The following TCERG1L variants were observed in gnomAD, a reference collection of about 807,000 sequenced individuals.
TCERG1L encodes the protein transcription elongation regulator 1-like protein.
Under a neutral mutation model 56.3 loss-of-function variants are expected in TCERG1L, and 37 were observed. That is an observed-to-expected ratio of 0.66 (90% CI 0.51 to 0.87). The LOEUF (loss-of-function observed/expected upper bound fraction) is 0.87, where lower values mean the gene tolerates loss of function less well. Among genes scored for constraint, TCERG1L ranks in the 40% least tolerant of loss-of-function variants. The probability of loss-of-function intolerance (pLI) is 0.00; values close to 1 mark genes in which losing one functional copy is unlikely to be tolerated. For synonymous variants in TCERG1L, 324 were observed against 326.3 expected (o/e 0.99, Z 0.08); for missense variants, 799 against 774.2 (o/e 1.03, Z -0.38).
At chr10:131,196,889 G>C (rs1259366656) in intron 4 of TCERG1L, among the ~76,000 whole-genome samples, 1 of 152,190 alleles carries the variant, frequency 6.6e-6, no homozygotes, top group African/African-American at 2.4e-5. Flanking sequence ...AAGAGAAGAA[G>C]GAGAATCAGA....
chr10:131,164,488 A>G (rs1291146139), intron 5 of TCERG1L, among the ~76,000 whole-genome samples: 1 of 152,228 alleles, frequency 6.6e-6, no homozygotes, highest in Non-Finnish European at 1.5e-5. Flanking sequence ...TATCACCAGA[A>G]TTTTGGAAGG....
chr10:131,254,454 A>G (rs541509151), intron 4 of TCERG1L, among the ~76,000 whole-genome samples: 1 of 152,188 alleles, frequency 6.6e-6, no homozygotes, highest in African/African-American at 2.4e-5. Flanking sequence ...GGGTAACTGG[A>G]ACTACAGGTG....
chr10:131,160,541 C>G (rs1388297054), intron 6 of TCERG1L, among the ~76,000 whole-genome samples: 2 of 152,188 alleles, frequency 1.3e-5, no homozygotes, highest in Non-Finnish European at 2.9e-5. Context: ...CCTGGCTTAG[C>G]TGCTCCACTC....
rs565261722 is a variant in TCERG1L, at chr10:131,166,826, T to G, written c.916A>C (p.Lys306Gln). 2.9e-4 allele frequency: 475 copies of G among 1,613,790 alleles called. No homozygotes were observed. Among genetic ancestry groups the G allele is most frequent in the Non-Finnish European group, 3.9e-4 (458 of 1,179,908 alleles). The change falls in exon 5 of 12, where the codon AAG becomes CAG. Residue 306 changes from lysine to glutamine, a missense_variant. Coordinates refer to ENST00000368642, the MANE Select transcript of TCERG1L (RefSeq NM_174937.4). ...RPPALMLRAQKSRDGDKEDKE... is the reference protein window; with the variant it reads ...RPPALMLRAQQSRDGDKEDKE... ...TCTTCTTTGTCTCCATCCCGGCTCT[T>G]CTGGGCCCGCAGCATCAGGGCAGGA...
At chr10:131,107,671 G>A (rs1845366704) in intron 9 of TCERG1L, among the ~76,000 whole-genome samples, 1 of 152,122 alleles carries the variant, frequency 6.6e-6, no homozygotes, top group Non-Finnish European at 1.5e-5. Flanking sequence ...CCGAGCCTGC[G>A]TGAAACACTT....
intron 4 of TCERG1L, among the ~76,000 whole-genome samples, chr10:131,238,229 G>C (rs12569729): frequency 6.6e-6 from 1 of 152,092 alleles, no homozygotes; most frequent in Admixed American, 6.6e-5. Context: ...GTGCTGTTCC[G>C]TTGTGCAGCC....
chr10:131,291,428 TTTTTTTTTTTTTTTTTG>T, intron 3 of TCERG1L, among the ~76,000 whole-genome samples: 3 of 91,840 alleles, frequency 3.3e-5, no homozygotes, highest in African/African-American at 1.1e-4. Flanking sequence ...TTTTTTTTTT[TTTTTTTTTTTTTTTTTG>T]AGACGGAGTC....
At chr10:131,173,182 C>T (rs1053720321) in intron 4 of TCERG1L, among the ~76,000 whole-genome samples, 1 of 152,144 alleles carries the variant, frequency 6.6e-6, no homozygotes, top group Non-Finnish European at 1.5e-5. Flanking sequence ...TGAGCCACCC[C>T]ACCCGGCCTG....
At chr10:131,161,141 G>C (rs1306834302) in intron 6 of TCERG1L, 1 of 152,208 alleles carries the variant, frequency 6.6e-6, no homozygotes, top group African/African-American at 2.4e-5. Context: ...TACCATGGTG[G>C]TCCCGTCAGA....
intron 4 of TCERG1L, among the ~76,000 whole-genome samples, chr10:131,195,750 G>A (rs532615719): frequency 3.3e-5 from 5 of 152,296 alleles, no homozygotes; most frequent in Non-Finnish European, 7.3e-5. Context: ...TTATCTTCTG[G>A]GGGACGCCCC....
chr10:131,136,671 T>C (rs1012534076), intron 7 of TCERG1L, among the ~76,000 whole-genome samples: 25 of 151,944 alleles, frequency 1.6e-4, no homozygotes, highest in African/African-American at 5.8e-4. Context: ...AATTTTTGTG[T>C]TTTTAGTAGA....
In TCERG1L at chr10:131,178,703, G is replaced by A. The variant is rs935212118; in HGVS notation, c.857-11818C>T. Among the ~76,000 whole-genome samples the A allele has an allele frequency of 5.9e-5, 9 of 152,202 alleles. No individual in the cohort carries two copies. The South Asian group carries it at 6.2e-4, about 11-fold the overall frequency. The stretch of plus-strand genomic sequence containing the variant: ...AGCAAGCACTAAGTTCAGGGCCATC[G>A]CTCGCCCTGCCCCAGGTGTCTCCGG... On this transcript the variant is annotated intron_variant, in intron 4 of 11. Transcript: ENST00000368642.
intron 8 of TCERG1L, among the ~76,000 whole-genome samples, chr10:131,133,216 C>T (rs1845637824): frequency 6.6e-6 from 1 of 152,206 alleles, no homozygotes. Flanking sequence ...CTCTTCCTTA[C>T]CATCCTTCTG....
intron 8 of TCERG1L, among the ~76,000 whole-genome samples, chr10:131,127,660 T>A (rs1456876573): frequency 6.6e-6 from 1 of 151,400 alleles, no homozygotes; most frequent in Non-Finnish European, 1.5e-5. Context: ...AAGGGACAGG[T>A]CCCTAAAACA....
At chr10:131,287,373 G>A (rs1846557325) in intron 3 of TCERG1L, among the ~76,000 whole-genome samples, 1 of 152,032 alleles carries the variant, frequency 6.6e-6, no homozygotes, top group African/African-American at 2.4e-5. Context: ...TTATTTTGTG[G>A]CTTGTCGCTC....
chr10:131,246,233 T>C (rs1846035353), intron 4 of TCERG1L, among the ~76,000 whole-genome samples: 1 of 152,072 alleles, frequency 6.6e-6, no homozygotes, highest in Non-Finnish European at 1.5e-5. Flanking sequence ...CAGTGAGGCT[T>C]TCTGGGGGTG....
chr10:131,197,158 G>A (rs1845374454), intron 4 of TCERG1L, among the ~76,000 whole-genome samples: 1 of 144,162 alleles, frequency 6.9e-6, no homozygotes, highest in Non-Finnish European at 1.5e-5. Flanking sequence ...TTCTTAAATA[G>A]GGCCAAATAG....
intron 4 of TCERG1L, among the ~76,000 whole-genome samples, chr10:131,208,307 G>A (rs1017524973): frequency 2.6e-5 from 4 of 152,172 alleles, no homozygotes; most frequent in Non-Finnish European, 5.9e-5. Flanking sequence ...TATCATCTGT[G>A]TCACCCTCTG....
chr10:131,107,059 T>C (rs1021206731), intron 9 of TCERG1L, among the ~76,000 whole-genome samples: 2 of 141,344 alleles, frequency 1.4e-5, no homozygotes, highest in African/African-American at 5.7e-5. Flanking sequence ...CTGAGTGCCA[T>C]TGCTGGGACT....
Sources: allele counts gnomAD v4.1 joint callset (sites outside exome capture counted in the v4.1 genomes callset), GRCh38; gene constraint gnomAD v4.1.1; transcripts MANE v1.5; gene names NCBI Gene and HGNC (gene_info 2026-07-23, HGNC 2026-07-21).